Variants in GLCCI1 observed in about 807,000 individuals in gnomAD.
GLCCI1 encodes glucocorticoid induced 1, also known as glucocorticoid-induced transcript 1 protein.
GLCCI1 carries 24 observed loss-of-function variants against 52.2 expected under a neutral mutation model. That is an observed-to-expected ratio of 0.46 (90% CI 0.33 to 0.65). The LOEUF (loss-of-function observed/expected upper bound fraction) is 0.65, where lower values mean the gene tolerates loss of function less well. Ranked by LOEUF, GLCCI1 falls within the 30% of genes least tolerant of loss-of-function variation. The pLI is 0.02. For synonymous variants in GLCCI1, 310 were observed against 276.5 expected, an observed-to-expected ratio of 1.12 and a Z score of -1.20; for missense variants, 704 against 701.5, an observed-to-expected ratio of 1.00 and a Z score of -0.04.
At chr7:8,083,361 A>G (rs1783037460) in intron 6 of GLCCI1, among the ~76,000 whole-genome samples, 1 of 151,714 alleles carries the variant, frequency 6.6e-6, no homozygotes. Flanking sequence ...CCTTATTCTC[A>G]TCAGATGTTT....
At position 8,048,963 on chromosome 7, in the gene GLCCI1, ATTG is replaced by A. The variant is rs559595716; in HGVS notation, c.697-6464_697-6462del. On this transcript the variant is annotated intron_variant, in intron 3 of 7. Transcript: ENST00000223145. ...GAGGGAACGTAAGTAGAACTGTTAT[ATTG>A]TTGTTTTCTTTTTTTGTTTTTGTTT... Among the ~76,000 whole-genome samples the A allele has an allele frequency of 8.7e-4, 133 of 152,238 alleles. 1 individual carries two copies. Among genetic ancestry groups the A allele is most frequent in the Admixed American group, 8.3e-3 (127 of 15,298 alleles).
At chr7:8,025,456 G>T (rs939101457) in intron 3 of GLCCI1, among the ~76,000 whole-genome samples, 1 of 152,124 alleles carries the variant, frequency 6.6e-6, no homozygotes, top group Non-Finnish European at 1.5e-5. Flanking sequence ...TGTTAGATGG[G>T]TTTGACAACA....
At chr7:8,071,191 CT>C in intron 6 of GLCCI1, 60 bp downstream of exon 6, 1 of 1,273,382 alleles carries the variant, frequency 7.9e-7, no homozygotes. Flanking sequence ...TATACCTTGT[CT>C]TAGACCATTA....
At chr7:8,029,530 T>C (rs756377578) in intron 3 of GLCCI1, among the ~76,000 whole-genome samples, 1 of 152,146 alleles carries the variant, frequency 6.6e-6, no homozygotes, top group Non-Finnish European at 1.5e-5. Context: ...CTTTCACCAG[T>C]GTTATTCAAC....
chr7:7,994,719 GTC>G (rs1780905669), intron 1 of GLCCI1, among the ~76,000 whole-genome samples: 2 of 152,202 alleles, frequency 1.3e-5, no homozygotes, highest in Non-Finnish European at 2.9e-5. Context: ...CTTGCTGTCT[GTC>G]TGTCGTTAAA....
chr7:8,040,525 AACACACACACACACACACACACACAC>A (rs58561376), intron 3 of GLCCI1, among the ~76,000 whole-genome samples: 1 of 145,210 alleles, frequency 6.9e-6, no homozygotes, highest in Non-Finnish European at 1.5e-5. Context: ...AGATATAATT[AACACACACACACACACACACACACAC>A]ACACACACAC....
chr7:8,064,477 C>T (rs1055584970), intron 5 of GLCCI1, among the ~76,000 whole-genome samples: 2 of 152,156 alleles, frequency 1.3e-5, no homozygotes, highest in African/African-American at 4.8e-5. Flanking sequence ...TGCTTTTGTA[C>T]CAGTACCATG....
At chr7:8,027,330 A>G (rs1193463570) in intron 3 of GLCCI1, among the ~76,000 whole-genome samples, 1 of 152,202 alleles carries the variant, frequency 6.6e-6, no homozygotes, top group Non-Finnish European at 1.5e-5. Context: ...TCTACTAAAA[A>G]TACAAAAATT....
chr7:8,002,517 C>T (rs923704281), intron 1 of GLCCI1, among the ~76,000 whole-genome samples: 1 of 152,088 alleles, frequency 6.6e-6, no homozygotes, highest in Non-Finnish European at 1.5e-5. Context: ...TCTATCAATT[C>T]TTGGGTCAAA....
rs140995385 is a variant in GLCCI1 at position 8,066,237 on chromosome 7, G to A, written c.967-4684G>A. ...GTTTTTTAATATTTCTGTGGAGTCA[G>A]TGGTACTGTCCCCTTTGTCATTTCT... On this transcript the variant is annotated intron_variant, in intron 5 of 7. Transcript: ENST00000223145. 4.2e-3 allele frequency among the ~76,000 whole-genome samples: 641 copies of A among 152,230 alleles called. 7 individuals carry two copies. The highest frequency in any genetic ancestry group is 0.015 in the African/African-American group (605 of 41,544).
chr7:7,980,994 C>G (rs1252210583), intron 1 of GLCCI1: 5 of 548,156 alleles, frequency 9.1e-6, no homozygotes, highest in Non-Finnish European at 1.7e-5. Context: ...TTGATCATTT[C>G]AAACGAAGGT....
In GLCCI1 at chr7:8,031,208, C is replaced by T. The variant is rs75586870; in HGVS notation, c.696+8639C>T. 3.5e-3 allele frequency among the ~76,000 whole-genome samples: 537 copies of T among 151,946 alleles called. 1 individual carries two copies. Among genetic ancestry groups the T allele is most frequent in the African/African-American group, 0.012 (497 of 41,538 alleles). ...TAGACAAAGCAGTACTATTCAGCCA[C>T]GAAAAGAATGAGATCCTATCATAAT... On this transcript the variant is annotated intron_variant, in intron 3 of 7. Transcript: ENST00000223145.
chr7:8,020,952 T>TA (rs1269861795), intron 2 of GLCCI1, among the ~76,000 whole-genome samples: 3 of 152,190 alleles, frequency 2.0e-5, no homozygotes, highest in Non-Finnish European at 4.4e-5. Context: ...TAAGTAATAG[T>TA]TTTTTATAAG....
At chr7:8,011,390 C>G (rs188060831) in intron 2 of GLCCI1, among the ~76,000 whole-genome samples, 4 of 152,198 alleles carry the variant, frequency 2.6e-5, no homozygotes, top group Non-Finnish European at 5.9e-5. Context: ...ATAAGAAAAT[C>G]ATACAGTATT....
At chr7:8,052,818 T>C (rs778770043) in intron 3 of GLCCI1, among the ~76,000 whole-genome samples, 3 of 152,150 alleles carry the variant, frequency 2.0e-5, no homozygotes, top group Non-Finnish European at 2.9e-5. Context: ...CTTCTCTTTT[T>C]TTCTTCCCAA....
At chr7:8,028,834 A>G (rs1257663321) in intron 3 of GLCCI1, among the ~76,000 whole-genome samples, 1 of 152,184 alleles carries the variant, frequency 6.6e-6, no homozygotes, top group Admixed American at 6.5e-5. Context: ...ACTATATGCC[A>G]ATAAATTGGA....
At chr7:7,985,365 C>G (rs944857497) in intron 1 of GLCCI1, among the ~76,000 whole-genome samples, 4 of 152,078 alleles carry the variant, frequency 2.6e-5, no homozygotes, top group African/African-American at 9.7e-5. Flanking sequence ...GACATTTTCT[C>G]CATACAGAGT....
intron 1 of GLCCI1, among the ~76,000 whole-genome samples, chr7:7,979,586 A>G (rs1435087220): frequency 6.6e-6 from 1 of 152,140 alleles, no homozygotes; most frequent in African/African-American, 2.4e-5. Context: ...TGCTGCCTTT[A>G]CCTATTATAA....
chr7:7,985,464 A>G (rs77381906), intron 1 of GLCCI1, among the ~76,000 whole-genome samples: 5,320 of 152,210 alleles, frequency 0.035, 289 homozygotes, highest in African/African-American at 0.11. Context: ...TTCGTATAAG[A>G]TAAAACCAAT....
Sources: gnomAD v4.1 joint callset for allele counts (sites outside exome capture counted in the v4.1 genomes callset) on GRCh38, gnomAD v4.1.1 for gene constraint, MANE v1.5 for transcripts, NCBI Gene and HGNC (gene_info 2026-07-23, HGNC 2026-07-21) for gene names.